RAB23: variants seen among roughly 807,000 people sequenced by gnomAD.
RAB23 encodes ras-related protein Rab-23.
In RAB23, 15 loss-of-function variants were observed where a neutral mutation model predicts 30.0. The observed-to-expected ratio is 0.50, with a 90% CI of 0.33 to 0.77. The LOEUF is 0.77. Ranked by LOEUF, RAB23 falls within the 30% of genes least tolerant of loss-of-function variation. The pLI, the probability that RAB23 is intolerant of heterozygous loss-of-function variation, is 0.02. For missense variants in RAB23, 243 were observed against 275.4 expected (o/e 0.88, Z 0.83); for synonymous variants, 93 against 94.0 (o/e 0.99, Z 0.06).
At chr6:57,221,602 G>C (rs932701467) in intron 1 of RAB23, 124 bp downstream of exon 1, 4 of 152,432 alleles carry the variant, frequency 2.6e-5, no homozygotes, top group African/African-American at 9.6e-5. Flanking sequence ...CCCAGCCCGG[G>C]TCGCCCCTTC....
chr6:57,196,073 A>G (rs1049090943), intron 4 of RAB23, among the ~76,000 whole-genome samples: 1 of 152,192 alleles, frequency 6.6e-6, no homozygotes, highest in African/African-American at 2.4e-5. Flanking sequence ...ATTAAAATTC[A>G]TCAACATAGG....
In RAB23 at chr6:57,188,842, G is replaced by C. The variant is rs1253003770; in HGVS notation, c.*1619C>G. 1 of 151,742 alleles carries C rather than the reference G, an allele frequency of 6.6e-6. No homozygotes were observed. The highest frequency in any genetic ancestry group is 2.4e-5 in the African/African-American group (1 of 41,280). 9.4% of individuals were successfully genotyped at this position (151,742 alleles called of 1,614,324 possible). A position where few individuals can be genotyped will look rare whatever the true frequency, so the allele number is the denominator to read the frequency against. ...AATGGCAAAGAGAACATTTACTTTTGATCACTTAACAAGGACACACCCAGG... is the reference window on the plus strand; with the variant it reads ...AATGGCAAAGAGAACATTTACTTTTCATCACTTAACAAGGACACACCCAGG... On this transcript the variant is annotated 3_prime_UTR_variant, in exon 7 of 7. Coordinates refer to ENST00000468148, the MANE Select transcript of RAB23 (RefSeq NM_016277.5).
rs1764786627 is a variant in RAB23 at position 57,190,253 on chromosome 6, A to G, written c.*208T>C. ...AGAAGCTTCGTCTAATGTAAAAAAA[A>G]TTAAAGGAGTCCACAGGGCAATAAT... On this transcript the variant is annotated 3_prime_UTR_variant, in exon 7 of 7. Transcript: ENST00000468148. 13 of 557,368 alleles carry G rather than the reference A, an allele frequency of 2.3e-5. 1 individual carries two copies. The South Asian group carries it at 2.6e-4, about 11-fold the overall frequency. 34.5% of individuals were successfully genotyped at this position (557,368 alleles called of 1,614,324 possible).
intron 3 of RAB23, among the ~76,000 whole-genome samples, chr6:57,205,153 CACAT>C (rs1169657419): frequency 1.3e-5 from 2 of 150,846 alleles, no homozygotes; most frequent in Non-Finnish European, 3.0e-5. Flanking sequence ...TTTATATACA[CACAT>C]ATATACACAC....
At chr6:57,217,207 G>T (rs1169855057) in intron 1 of RAB23, among the ~76,000 whole-genome samples, 7 of 146,562 alleles carry the variant, frequency 4.8e-5, no homozygotes, top group Admixed American at 4.0e-4. Context: ...GTAGTTACAA[G>T]GAAAGCAAAA....
Position 57,194,208 on chromosome 6 carries a change from T to C in RAB23, c.482-274A>G, listed in dbSNP as rs543287308. 6.6e-5 allele frequency among the ~76,000 whole-genome samples: 10 copies of C among 152,188 alleles called. No homozygotes were observed. The South Asian group carries it at 1.9e-3, about 28-fold the overall frequency. On this transcript the variant is annotated intron_variant, in intron 5 of 6. Coordinates refer to ENST00000468148, the MANE Select transcript of RAB23 (RefSeq NM_016277.5). ...TTCTAAGTATCTGAATAGTGATTAATACTAAGCAACACTAAACAGACTCAC... is the reference window on the plus strand; with the variant it reads ...TTCTAAGTATCTGAATAGTGATTAACACTAAGCAACACTAAACAGACTCAC...
rs1196342589 is a variant in RAB23, at chr6:57,207,676, T to C, written c.193A>G (p.Thr65Ala). The C allele has an allele frequency of 6.2e-7, 1 of 1,605,526 alleles. No individual in the cohort carries two copies. Among genetic ancestry groups the C allele is most frequent in the Non-Finnish European group, 8.5e-7 (1 of 1,172,472 alleles). ...DEDVRLMLWD[T>A]AGQEEFDAIT... Reference sequence around the variant, plus strand: ...GCATCAAATTCCTCCTGACCTGCAGTGTCCCATAACATTAGTCTGACATCT... The same window carrying C: ...GCATCAAATTCCTCCTGACCTGCAGCGTCCCATAACATTAGTCTGACATCT... The change falls in exon 3 of 7, where the codon ACT becomes GCT. Residue 65 changes from threonine (T) to alanine (A), a missense_variant. Transcript: ENST00000468148.
Position 57,189,426 on chromosome 6 carries a change from G to A in RAB23, c.*1035C>T, listed in dbSNP as rs1764745456. ...GTTAGTGTAATCTTGTAAGTTCAAA[G>A]CTGGGTTCTCAGTGAGCAGCAAAAG... On this transcript the variant is annotated 3_prime_UTR_variant, in exon 7 of 7. Transcript: ENST00000468148. 1 of 152,154 alleles carries A rather than the reference G, an allele frequency of 6.6e-6. No homozygotes were observed. The highest frequency in any genetic ancestry group is 2.4e-5 in the African/African-American group (1 of 41,436). 9.4% of individuals were successfully genotyped at this position (152,154 alleles called of 1,614,324 possible). A position where few individuals can be genotyped will look rare whatever the true frequency, so the allele number is the denominator to read the frequency against.
rs768999651 is a variant in RAB23 at position 57,207,704 on chromosome 6, A to G, written c.165T>C (p.Asp55=). Residue 55 remains aspartate, a synonymous_variant, in exon 3 of 7, where the codon GAT becomes GAC. Transcript: ENST00000468148. Reference sequence around the variant, plus strand: ...CCCATAACATTAGTCTGACATCTTCATCATTAACTCTAAAACAAGAGATGA... The same window carrying G: ...CCCATAACATTAGTCTGACATCTTCGTCATTAACTCTAAAACAAGAGATGA... ...DFLERQIQVN[D]EDVRLMLWDT... is the part of the protein sequence containing the mutation. 25 of 1,592,852 alleles carry G rather than the reference A, an allele frequency of 1.6e-5. No individual in the cohort carries two copies. In the South Asian group the frequency reaches 2.8e-4, roughly 18 times the overall value.
chr6:57,193,889 T>C lies in RAB23; in HGVS notation c.527A>G (p.Gln176Arg). Residue 176 changes from glutamine (Q) to arginine (R), a missense_variant, in exon 6 of 7, where the codon CAA (glutamine) becomes CGA (arginine). Gln to Arg is a conservative substitution (Grantham distance 43). Coordinates refer to ENST00000468148, the MANE Select transcript of RAB23 (RefSeq NM_016277.5). Reference sequence around the variant, plus strand: ...CGTTAGTTCTGGATCCTCAGCTATTTGTTGTTTGAGTTTCTGAAGGTATTT... The same window carrying C: ...CGTTAGTTCTGGATCCTCAGCTATTCGTTGTTTGAGTTTCTGAAGGTATTT... ...AEKYLQKLKQQIAEDPELTHS... is the reference protein window; with the variant it reads ...AEKYLQKLKQRIAEDPELTHS... The C allele has an allele frequency of 6.2e-7, 1 of 1,613,020 alleles. No individual in the cohort carries two copies. The highest frequency in any genetic ancestry group is 8.5e-7 in the Non-Finnish European group (1 of 1,179,346).
chr6:57,195,691 T>G (rs973682732), intron 4 of RAB23, among the ~76,000 whole-genome samples: 4 of 152,190 alleles, frequency 2.6e-5, no homozygotes, highest in Non-Finnish European at 2.9e-5. Flanking sequence ...TCCTGCCAAG[T>G]GAATAAGCCA....
chr6:57,190,479 G>A lies in RAB23; in HGVS notation c.696C>T (p.Ser232=). 2.5e-6 allele frequency: 4 copies of A among 1,614,070 alleles called. No individual in the cohort carries two copies. The highest frequency in any genetic ancestry group is 2.5e-6 in the Non-Finnish European group (3 of 1,179,950). The change falls in exon 7 of 7, where the codon AGC becomes AGT. Residue 232 remains serine, a synonymous_variant. Transcript: ENST00000468148. ...AAACATCTTAGGGTATGCTACAGCT[G>A]CTAAAAGGATTTCTGTTTTTCTTGG... ...QRTKKNRNPF[S]SCSIP
At chr6:57,201,550 C>T (rs571883704) in intron 3 of RAB23, among the ~76,000 whole-genome samples, 1 of 152,324 alleles carries the variant, frequency 6.6e-6, no homozygotes, top group Admixed American at 6.5e-5. Flanking sequence ...TCACATTCTT[C>T]AACAACTTTG....
At chr6:57,212,688 C>A (rs1463969814) in intron 1 of RAB23, among the ~76,000 whole-genome samples, 1 of 150,314 alleles carries the variant, frequency 6.7e-6, no homozygotes, top group Non-Finnish European at 1.5e-5. Context: ...TCAAGACCAG[C>A]CTGGGCACCA....
In RAB23 at chr6:57,194,849, C is replaced by T; in HGVS notation, c.402G>A (p.Glu134=). The change falls in exon 5 of 7, where the codon GAG becomes GAA. Residue 134 remains glutamate (E), a synonymous_variant. Transcript: ENST00000468148. ...DLLDDSCIKN[E]EAEALAKRLK... is the part of the protein sequence containing the mutation. ...ACCTTTTTGCCAGTGCCTCAGCTTC[C>T]TCACTGCACATCAATTTAAAAAAAA... 6.2e-7 allele frequency: 1 copy of T among 1,611,976 alleles called. No individual in the cohort carries two copies. Among genetic ancestry groups the T allele is most frequent in the Non-Finnish European group, 8.5e-7 (1 of 1,178,420 alleles).
chr6:57,194,744 A>G lies in RAB23; in HGVS notation c.481+26T>C, dbSNP rs905506985. The G allele has an allele frequency of 1.1e-5, 16 of 1,523,398 alleles. No individual in the cohort carries two copies. The African/African-American group carries it at 1.8e-4, about 17-fold the overall frequency. 94.4% of individuals were successfully genotyped at this position (1,523,398 alleles called of 1,614,324 possible). A position where few individuals can be genotyped will look rare whatever the true frequency, so the allele number is the denominator to read the frequency against. ...CGCAAGAATAAAATTTCTTTTTGCA[A>G]TCTATATCCTTTAAAGGTAATTTAC... On this transcript the variant is annotated intron_variant, in intron 5 of 6. Coordinates refer to ENST00000468148, the MANE Select transcript of RAB23 (RefSeq NM_016277.5).
At chr6:57,214,561 C>T (rs1023245330) in intron 1 of RAB23, among the ~76,000 whole-genome samples, 2 of 152,168 alleles carry the variant, frequency 1.3e-5, no homozygotes, top group Non-Finnish European at 2.9e-5. Flanking sequence ...GCCTTGGCCT[C>T]CCAAAGTGCT....
chr6:57,197,927 T>G (rs749783764), intron 3 of RAB23, among the ~76,000 whole-genome samples: 1 of 152,024 alleles, frequency 6.6e-6, no homozygotes, highest in East Asian at 1.9e-4. Flanking sequence ...TTTTTTTGTT[T>G]TGTTTTGTTT....
At chr6:57,206,765 G>T (rs1008349878) in intron 3 of RAB23, among the ~76,000 whole-genome samples, 16 of 152,214 alleles carry the variant, frequency 1.1e-4, no homozygotes, top group African/African-American at 2.9e-4. Flanking sequence ...AGAGGAAGTT[G>T]TGTCTTTAGA....
Sources: allele counts gnomAD v4.1 joint callset (sites outside exome capture counted in the v4.1 genomes callset), GRCh38; gene constraint gnomAD v4.1.1; transcripts MANE v1.5; gene names NCBI Gene and HGNC (gene_info 2026-07-23, HGNC 2026-07-21).